The following ANO4 variants were observed in gnomAD, a reference collection of about 807,000 sequenced individuals.
ANO4 encodes anoctamin-4.
Under a neutral mutation model 141.9 loss-of-function variants are expected in ANO4, and 69 were observed. The ratio of observed to expected loss-of-function variants is 0.49; its 90% CI spans 0.40 to 0.59. The LOEUF (loss-of-function observed/expected upper bound fraction) is 0.59, where lower values mean the gene tolerates loss of function less well. Ranked by LOEUF, ANO4 falls within the 20% of genes least tolerant of loss-of-function variation. The probability of loss-of-function intolerance (pLI) is 0.00; values close to 1 mark genes in which losing one functional copy is unlikely to be tolerated. For missense variants in ANO4, 894 were observed against 1,162.2 expected (o/e 0.77, Z 3.36); for synonymous variants, 350 against 394.3 (o/e 0.89, Z 1.33).
Position 100,974,661 on chromosome 12 carries a change from T to C in ANO4, c.558-184T>C. 8.6e-6 allele frequency: 6 copies of C among 701,644 alleles called. No individual in the cohort carries two copies. The Admixed American group carries it at 1.2e-4, about 14-fold the overall frequency. 43.5% of individuals were successfully genotyped at this position (701,644 alleles called of 1,614,324 possible). A position where few individuals can be genotyped will look rare whatever the true frequency, so the allele number is the denominator to read the frequency against. On this transcript the variant is annotated intron_variant, in intron 6 of 27. Transcript: ENST00000392977. ...TCAATGGAAACTGTTTCATAAGATT[T>C]CATGACTCAAAAACGCATGCCCTGT...
rs2051361691 is a variant in ANO4, at chr12:101,127,303, CT to C, written c.*4+230del. On this transcript the variant is annotated intron_variant, in intron 27 of 27. Transcript: ENST00000392977. ...CACTTCTCTGCCTTCTTGCCAGACTCTGGCCTATCAGTCAAGGTCTTCATGA... is the reference window on the plus strand; with the variant it reads ...CACTTCTCTGCCTTCTTGCCAGACTCGGCCTATCAGTCAAGGTCTTCATGA... Among the ~76,000 whole-genome samples the C allele has an allele frequency of 1.3e-5, 2 of 152,230 alleles. 1 individual carries two copies. Among genetic ancestry groups the C allele is most frequent in the African/African-American group, 4.8e-5 (2 of 41,452 alleles).
At chr12:100,749,551 T>C (rs1322102154) in intron 3 of ANO4, among the ~76,000 whole-genome samples, 1 of 152,220 alleles carries the variant, frequency 6.6e-6, no homozygotes, top group Non-Finnish European at 1.5e-5. Flanking sequence ...TCTTCCTCCA[T>C]GTGTGCTGGT....
chr12:100,979,974 T>G (rs1435601167), intron 7 of ANO4, among the ~76,000 whole-genome samples: 1 of 150,780 alleles, frequency 6.6e-6, no homozygotes, highest in Non-Finnish European at 1.5e-5. Context: ...TCTCTTGACC[T>G]CGTGATCCTC....
At chr12:100,756,506 C>T (rs549815014) in intron 3 of ANO4, among the ~76,000 whole-genome samples, 1 of 152,150 alleles carries the variant, frequency 6.6e-6, no homozygotes, top group Non-Finnish European at 1.5e-5. Flanking sequence ...CCCACCACCA[C>T]GTCTGGCTAA....
intron 22 of ANO4, among the ~76,000 whole-genome samples, chr12:101,106,823 A>G (rs1428484278): frequency 6.6e-6 from 1 of 151,736 alleles, no homozygotes; most frequent in Non-Finnish European, 1.5e-5. Context: ...GCTTTCCAAT[A>G]TTTAAAAGTT....
chr12:100,914,340 G>T (rs1478784587), intron 2 of ANO4, among the ~76,000 whole-genome samples: 1 of 152,236 alleles, frequency 6.6e-6, no homozygotes, highest in East Asian at 1.9e-4. Context: ...TCAGGACCCA[G>T]TAAAGAACTT....
At chr12:100,888,123 A>G (rs1226516665) in intron 1 of ANO4, among the ~76,000 whole-genome samples, 1 of 152,248 alleles carries the variant, frequency 6.6e-6, no homozygotes, top group Non-Finnish European at 1.5e-5. Context: ...ACACAAAATG[A>G]GAAAATCTTG....
At chr12:100,730,261 A>T (rs2031327054) in intron 1 of ANO4, among the ~76,000 whole-genome samples, 1 of 152,174 alleles carries the variant, frequency 6.6e-6, no homozygotes, top group African/African-American at 2.4e-5. Context: ...TTATTTGCTA[A>T]CTATGGATTT....
chr12:101,095,632 T>C (rs1361077280), intron 18 of ANO4, among the ~76,000 whole-genome samples: 1 of 152,222 alleles, frequency 6.6e-6, no homozygotes, highest in Non-Finnish European at 1.5e-5. Flanking sequence ...CCTAAAAGCA[T>C]TTTGAGTTAT....
intron 1 of ANO4, among the ~76,000 whole-genome samples, chr12:100,853,871 A>T (rs2038023296): frequency 6.6e-6 from 1 of 152,110 alleles, no homozygotes; most frequent in Non-Finnish European, 1.5e-5. Context: ...TCAGTATTTT[A>T]CTTATACCTG....
At position 100,934,379 on chromosome 12, in the gene ANO4, G is replaced by T. The variant is rs565548638; in HGVS notation, c.161-4936G>T. 2.0e-4 allele frequency among the ~76,000 whole-genome samples: 31 copies of T among 152,232 alleles called. No homozygotes were observed. The South Asian group carries it at 5.6e-3, about 28-fold the overall frequency. On this transcript the variant is annotated intron_variant, in intron 3 of 27. Transcript: ENST00000392977. Reference sequence around the variant, plus strand: ...AATCCTTTCTGCGTTTCTTGTTTTTGTCAGGTTTGTCAAAGATCAGATGGT... The same window carrying T: ...AATCCTTTCTGCGTTTCTTGTTTTTTTCAGGTTTGTCAAAGATCAGATGGT...
In ANO4 at chr12:100,826,206, T is replaced by C. The variant is rs575444091; in HGVS notation, c.-141+31179T>C. 3.4e-4 allele frequency among the ~76,000 whole-genome samples: 52 copies of C among 152,076 alleles called. 1 individual carries two copies. Among genetic ancestry groups the C allele is most frequent in the African/African-American group, 1.2e-3 (48 of 41,534 alleles). On this transcript the variant is annotated intron_variant, in intron 1 of 27. Coordinates refer to ENST00000392977, the MANE Select transcript of ANO4 (RefSeq NM_001286615.2). Reference sequence around the variant, plus strand: ...AGTGAAAAATTGAAATATGAAAAATTATGAAAGACGGAAACATTCAGAAAG... The same window carrying C: ...AGTGAAAAATTGAAATATGAAAAATCATGAAAGACGGAAACATTCAGAAAG...
At chr12:100,795,688 G>A (rs2034263433) in intron 1 of ANO4, among the ~76,000 whole-genome samples, 1 of 152,162 alleles carries the variant, frequency 6.6e-6, no homozygotes, top group African/African-American at 2.4e-5. Flanking sequence ...TATTTTACAG[G>A]CTCTTCAGAG....
intron 1 of ANO4, among the ~76,000 whole-genome samples, chr12:100,881,469 C>G (rs2135957620): frequency 6.7e-6 from 1 of 150,114 alleles, no homozygotes; most frequent in South Asian, 2.1e-4. Flanking sequence ...ATTTGCTTCT[C>G]AAATTCTCCA....
chr12:100,885,083 T>C (rs1339539986), intron 1 of ANO4, among the ~76,000 whole-genome samples: 4 of 152,246 alleles, frequency 2.6e-5, no homozygotes, highest in African/African-American at 9.6e-5. Flanking sequence ...AATGTCTCTC[T>C]GATCCAAGCC....
At chr12:101,077,050 G>A (rs780761814) in intron 14 of ANO4, among the ~76,000 whole-genome samples, 3 of 152,132 alleles carry the variant, frequency 2.0e-5, no homozygotes, top group Non-Finnish European at 2.9e-5. Context: ...AGGGTAACTC[G>A]TGATGCATAA....
At chr12:100,731,538 T>G (rs764565672) in intron 1 of ANO4, among the ~76,000 whole-genome samples, 1 of 152,192 alleles carries the variant, frequency 6.6e-6, no homozygotes, top group Non-Finnish European at 1.5e-5. Flanking sequence ...ATAGTTTATA[T>G]TAGGGCTCAC....
At chr12:100,721,428 G>A (rs1338028335) in intron 1 of ANO4, among the ~76,000 whole-genome samples, 1 of 152,172 alleles carries the variant, frequency 6.6e-6, no homozygotes, top group African/African-American at 2.4e-5. Context: ...GAGGAGATTG[G>A]GAGAAGGCCA....
At chr12:100,926,715 G>A (rs959683921) in intron 3 of ANO4, among the ~76,000 whole-genome samples, 3 of 151,946 alleles carry the variant, frequency 2.0e-5, no homozygotes, top group Non-Finnish European at 4.4e-5. Flanking sequence ...CAGGTACCTT[G>A]AACTCCTTTG....
Sources: gnomAD v4.1 joint callset for allele counts (sites outside exome capture counted in the v4.1 genomes callset) on GRCh38, gnomAD v4.1.1 for gene constraint, MANE v1.5 for transcripts, NCBI Gene and HGNC (gene_info 2026-07-23, HGNC 2026-07-21) for gene names.